SPMIP2: variants seen among roughly 807,000 people sequenced by gnomAD.
The protein encoded by SPMIP2 is protein SPMIP2.
chr4:159,044,745 G>A, the SPMIP2 span, among the ~76,000 whole-genome samples: 1 of 152,158 alleles, frequency 6.6e-6, no homozygotes, highest in Non-Finnish European at 1.5e-5. Flanking sequence ...CATTTTTCAA[G>A]GTGACGAATG....
the SPMIP2 span, among the ~76,000 whole-genome samples, chr4:158,941,285 T>G: frequency 0.011 from 1,707 of 152,298 alleles, 20 homozygotes; most frequent in African/African-American, 0.039. Flanking sequence ...AATAAGAACA[T>G]TATATGATTG....
the SPMIP2 span, among the ~76,000 whole-genome samples, chr4:158,964,576 G>A: frequency 6.6e-6 from 1 of 151,142 alleles, no homozygotes; most frequent in African/African-American, 2.4e-5. Context: ...AATGGCATTC[G>A]GACTAGCATG....
the SPMIP2 span, among the ~76,000 whole-genome samples, chr4:158,961,943 A>G: frequency 6.6e-6 from 1 of 152,122 alleles, no homozygotes; most frequent in East Asian, 1.9e-4. Context: ...TTCAAAACCA[A>G]TATCTTCATT....
At chr4:159,024,350 G>T in the SPMIP2 span, among the ~76,000 whole-genome samples, 183 of 152,292 alleles carry the variant, frequency 1.2e-3, no homozygotes, top group African/African-American at 3.9e-3. Context: ...ACGGTGAAAG[G>T]TTCTACCTTT....
the SPMIP2 span, among the ~76,000 whole-genome samples, chr4:158,938,142 T>C: frequency 2.6e-5 from 4 of 152,240 alleles, no homozygotes; most frequent in Admixed American, 1.3e-4. Context: ...CCATGCTGTC[T>C]GGGGATCAAA....
At chr4:158,987,884 A>T in the SPMIP2 span, among the ~76,000 whole-genome samples, 1 of 152,136 alleles carries the variant, frequency 6.6e-6, no homozygotes, top group Non-Finnish European at 1.5e-5. Context: ...AAGACAAAAA[A>T]TAACTAAGAT....
At chr4:158,972,995 C>A in the SPMIP2 span, 4 of 920,894 alleles carry the variant, frequency 4.3e-6, no homozygotes, top group African/African-American at 1.7e-5. Context: ...ATCAAGCACC[C>A]GACATTTCCT....
At chr4:158,899,469 C>G in the SPMIP2 span, among the ~76,000 whole-genome samples, 13 of 152,144 alleles carry the variant, frequency 8.5e-5, no homozygotes, top group African/African-American at 3.1e-4. Flanking sequence ...GGCTGTGAAT[C>G]CATCTGGTCC....
At chr4:158,943,858 C>CTTTTTCTT in the SPMIP2 span, among the ~76,000 whole-genome samples, 3 of 101,934 alleles carry the variant, frequency 2.9e-5, no homozygotes, top group African/African-American at 1.2e-4. Context: ...TTGACATTTT[C>CTTTTTCTT]TTTTTTTTTT....
the SPMIP2 span, among the ~76,000 whole-genome samples, chr4:159,073,785 T>G: frequency 6.6e-6 from 1 of 152,158 alleles, no homozygotes; most frequent in Non-Finnish European, 1.5e-5. Flanking sequence ...GAGGATCACC[T>G]GAGGTCGGGA....
chr4:159,046,454 G>A, the SPMIP2 span, among the ~76,000 whole-genome samples: 2 of 152,184 alleles, frequency 1.3e-5, no homozygotes, highest in Non-Finnish European at 2.9e-5. Flanking sequence ...CAGGTTACAG[G>A]TAGCCAATGA....
chr4:158,943,853 A>ATCTT, the SPMIP2 span, among the ~76,000 whole-genome samples: 1 of 46,482 alleles, frequency 2.2e-5, no homozygotes, highest in African/African-American at 8.4e-5. Context: ...TACTATTGAC[A>ATCTT]TTTTCTTTTT....
chr4:158,959,798 T>C, the SPMIP2 span, among the ~76,000 whole-genome samples: 4 of 152,174 alleles, frequency 2.6e-5, no homozygotes, highest in Admixed American at 6.5e-5. Context: ...CATGTTTCAT[T>C]TGGGTCAGAA....
At chr4:159,052,955 A>T in the SPMIP2 span, among the ~76,000 whole-genome samples, 43,551 of 131,930 alleles carry the variant, frequency 0.33, 7,606 homozygotes, top group Non-Finnish European at 0.38. Context: ...TATTATTATT[A>T]TTTTTTTTTT....
chr4:158,991,160 A>T, the SPMIP2 span, among the ~76,000 whole-genome samples: 17 of 152,178 alleles, frequency 1.1e-4, no homozygotes, highest in African/African-American at 4.1e-4. Context: ...AAAACAGACA[A>T]TGGAGCTACT....
At chr4:159,059,949 G>C in the SPMIP2 span, among the ~76,000 whole-genome samples, 60,065 of 151,634 alleles carry the variant, frequency 0.4, 12,200 homozygotes, top group East Asian at 0.59. Flanking sequence ...ATGCTTTCCA[G>C]TCATGGGGAG....
At chr4:158,987,508 C>CA in the SPMIP2 span, among the ~76,000 whole-genome samples, 12 of 152,120 alleles carry the variant, frequency 7.9e-5, no homozygotes, top group South Asian at 2.3e-3. Flanking sequence ...TGGAAATCAT[C>CA]ATTTTCAGTC....
At chr4:158,987,664 G>A in the SPMIP2 span, among the ~76,000 whole-genome samples, 1 of 152,086 alleles carries the variant, frequency 6.6e-6, no homozygotes, top group Admixed American at 6.6e-5. Context: ...AGCATTAGGA[G>A]CTATACCTAA....
chr4:159,026,366 C>T, the SPMIP2 span: 1 of 746,676 alleles, frequency 1.3e-6, no homozygotes, highest in East Asian at 3.0e-5. Context: ...AGCAAAAAAA[C>T]TCAGACTCTC....
Sources: gnomAD v4.1 joint callset for allele counts (sites outside exome capture counted in the v4.1 genomes callset) on GRCh38, gnomAD v4.1.1 for gene constraint, MANE v1.5 for transcripts, NCBI Gene and HGNC (gene_info 2026-07-23, HGNC 2026-07-21) for gene names.